Variants in TPGS2 observed in about 807,000 individuals in gnomAD.
The protein encoded by TPGS2 is polyglutamylase subunit 2.
A neutral mutation model predicts 31.1 loss-of-function variants in TPGS2; 26 were observed. The ratio of observed to expected loss-of-function variants is 0.84; its 90% confidence interval spans 0.61 to 1.16. The LOEUF is 1.16. Among genes scored for constraint, TPGS2 ranks in the 50% most tolerant of loss-of-function variants. The pLI, the probability that TPGS2 is intolerant of heterozygous loss-of-function variation, is 0.00. For synonymous variants in TPGS2, 130 were observed against 136.6 expected, an observed-to-expected ratio of 0.95 and a Z score of 0.34; for missense variants, 351 against 363.8, an observed-to-expected ratio of 0.96 and a Z score of 0.29.
At chr18:36,781,523 A>T (rs2044015419), downstream of TPGS2, among the ~76,000 whole-genome samples, 1 of 152,146 alleles carries the variant, frequency 6.6e-6, no homozygotes, top group Non-Finnish European at 1.5e-5. Context: ...GTGGTGGCAC[A>T]TCCCTGTAAT....
intron 1 of TPGS2, among the ~76,000 whole-genome samples, chr18:36,827,564 G>A (rs1336690940): frequency 1.3e-5 from 2 of 152,216 alleles, no homozygotes; most frequent in Non-Finnish European, 2.9e-5. Context: ...AGAAAGAGAT[G>A]AGAGCAGATC....
At chr18:36,793,575 TACTA>T (rs1177594541), downstream of TPGS2, among the ~76,000 whole-genome samples, 2 of 152,178 alleles carry the variant, frequency 1.3e-5, no homozygotes, top group Non-Finnish European at 2.9e-5. Context: ...ATGCTGAAAA[TACTA>T]AGAAGTGAAA....
At chr18:36,787,151 C>T (rs572728317) in intron 6 of TPGS2, 164 of 1,231,118 alleles carry the variant, frequency 1.3e-4, no homozygotes, top group Non-Finnish European at 1.6e-4. Flanking sequence ...GCATGCATAG[C>T]ATGTTACAGG....
intron 5 of TPGS2, 84 bp downstream of exon 5, chr18:36,800,114 T>C (rs2044730046): frequency 4.2e-6 from 5 of 1,200,444 alleles, no homozygotes; most frequent in East Asian, 4.7e-5. Context: ...CAAGGAGGTA[T>C]GTGTCTCCTG....
At chr18:36,814,170 G>A (rs2045554651) in intron 2 of TPGS2, among the ~76,000 whole-genome samples, 2 of 152,214 alleles carry the variant, frequency 1.3e-5, no homozygotes, top group South Asian at 4.1e-4. Flanking sequence ...AAATGTCACT[G>A]AAATGCTTAA....
intron 6 of TPGS2, 104 bp from the exon 7 acceptor site, chr18:36,797,154 T>C: frequency 6.5e-7 from 1 of 1,550,150 alleles, no homozygotes; most frequent in Non-Finnish European, 8.6e-7. Context: ...GAGGCAGAGG[T>C]ACATTTTCAT....
intron 2 of TPGS2, among the ~76,000 whole-genome samples, chr18:36,809,413 A>C (rs1193505952): frequency 6.6e-6 from 1 of 152,148 alleles, no homozygotes; most frequent in African/African-American, 2.4e-5. Context: ...ACAGGTTTTA[A>C]ATTTCTTTTA....
intron 6 of TPGS2, among the ~76,000 whole-genome samples, chr18:36,784,457 A>T (rs2044085053): frequency 6.6e-6 from 1 of 152,344 alleles, no homozygotes; most frequent in African/African-American, 2.4e-5. Context: ...TACAAATAAT[A>T]CCAAATTGCC....
chr18:36,789,211 AG>A (rs1396300189), downstream of TPGS2: 12 of 152,248 alleles, frequency 7.9e-5, no homozygotes, highest in African/African-American at 2.9e-4. Context: ...GTTAAAAAAA[AG>A]TCTTAAGATT....
At chr18:36,787,174 T>C (rs2044152676) in intron 6 of TPGS2, 1 of 1,219,972 alleles carries the variant, frequency 8.2e-7, no homozygotes, top group African/African-American at 1.6e-5. Context: ...GCACATTAAA[T>C]GAGCCACAAG....
intron 4 of TPGS2, among the ~76,000 whole-genome samples, chr18:36,802,317 T>C (rs1289263270): frequency 1.3e-5 from 2 of 152,284 alleles, no homozygotes; most frequent in Middle Eastern, 3.4e-3. Context: ...TCAATGTGGC[T>C]CCCTTCTGCC....
intron 6 of TPGS2, 26 bp from the exon 7 acceptor site, chr18:36,797,076 G>A: frequency 6.3e-7 from 1 of 1,595,334 alleles, no homozygotes; most frequent in East Asian, 2.3e-5. Context: ...GGAAGACAAG[G>A]TCACAATTCA....
intron 2 of TPGS2, among the ~76,000 whole-genome samples, chr18:36,818,201 T>A (rs1021450785): frequency 1.3e-5 from 2 of 152,148 alleles, no homozygotes; most frequent in Non-Finnish European, 2.9e-5. Context: ...TATTGCTTCT[T>A]TGGGAAAACT....
intron 2 of TPGS2, among the ~76,000 whole-genome samples, chr18:36,813,231 G>A (rs2045507408): frequency 1.3e-5 from 2 of 152,212 alleles, no homozygotes; most frequent in African/African-American, 4.8e-5. Context: ...TAGGAGGGAA[G>A]AGTCTGCGAG....
At chr18:36,809,239 G>A (rs759200562) in intron 2 of TPGS2, among the ~76,000 whole-genome samples, 3 of 152,160 alleles carry the variant, frequency 2.0e-5, no homozygotes, top group Non-Finnish European at 2.9e-5. Flanking sequence ...CTGGCAGTAC[G>A]AGGGGGTGTG....
chr18:36,800,900 G>C (rs2044779469), intron 4 of TPGS2, among the ~76,000 whole-genome samples: 1 of 152,122 alleles, frequency 6.6e-6, no homozygotes, highest in Non-Finnish European at 1.5e-5. Context: ...ACATTGGCCA[G>C]ACTGCTCTCG....
intron 6 of TPGS2, among the ~76,000 whole-genome samples, chr18:36,787,769 G>A (rs1273870367): frequency 6.6e-6 from 1 of 152,194 alleles, no homozygotes; most frequent in African/African-American, 2.4e-5. Flanking sequence ...TTAGGCATGC[G>A]ATTAGGAATG....
Position 36,828,848 on chromosome 18 carries a change from ATGCCGGGAACGG to A in TPGS2, c.-93_-82del. ...TCAGCGCCGAGGCCAATTTCATGGC[ATGCCGGGAACGG>A]TAGTTCTCGGCGCCTGAAAGCGCGG... On this transcript the variant is annotated 5_prime_UTR_variant, in exon 1 of 7. In the 5' UTR this introduces an upstream ATG that the reference lacks. Transcript: ENST00000334295. 6.5e-7 allele frequency: 1 copy of A among 1,534,968 alleles called. No individual in the cohort carries two copies. The highest frequency in any genetic ancestry group is 8.9e-7 in the Non-Finnish European group (1 of 1,122,974).
chr18:36,798,908 T>G (rs2044666283), intron 5 of TPGS2, among the ~76,000 whole-genome samples: 1 of 152,226 alleles, frequency 6.6e-6, no homozygotes, highest in African/African-American at 2.4e-5. Flanking sequence ...ACTCCTTTTC[T>G]GTGTGTCATA....
Sources: gnomAD v4.1 joint callset for allele counts (sites outside exome capture counted in the v4.1 genomes callset) on GRCh38, gnomAD v4.1.1 for gene constraint, MANE v1.5 for transcripts, NCBI Gene and HGNC (gene_info 2026-07-23, HGNC 2026-07-21) for gene names.